Variants in STAP2 observed in about 807,000 individuals in gnomAD.
The protein encoded by STAP2 is signal transducing adaptor family member 2.
STAP2 carries 58 observed loss-of-function variants against 52.7 expected under a neutral mutation model. That is an observed-to-expected ratio of 1.10 (90% CI 0.89 to 1.37). STAP2 has a LOEUF of 1.37. Ranked by LOEUF, STAP2 falls within the 40% of genes most tolerant of loss-of-function variation. The pLI is 0.00. For missense variants in STAP2, 522 were observed against 519.4 expected (o/e 1.00, Z -0.05); for synonymous variants, 231 against 210.5 (o/e 1.10, Z -0.84).
At position 4,332,072 on chromosome 19, in the gene STAP2, T is replaced by G; in HGVS notation, c.304A>C (p.Thr102Pro). Residue 102 changes from threonine to proline, a missense_variant, in exon 4 of 13, where the codon ACC (threonine) becomes CCC (proline). By Grantham distance (38) the Thr-to-Pro change is conservative. Coordinates refer to ENST00000594605, the MANE Select transcript of STAP2 (RefSeq NM_001013841.2). The stretch of plus-strand genomic sequence containing the variant: ...TTCCACATTTCCCGACACTCCAAGG[T>G]CTCTACCTGGGGAACAAAAGAAAGG... ...RDQEIKFKVE[T>P]LECREMWKGF... 14 of 1,611,538 alleles carry G rather than the reference T, an allele frequency of 8.7e-6. No individual in the cohort carries two copies. Among genetic ancestry groups the G allele is most frequent in the Non-Finnish European group, 1.2e-5 (14 of 1,179,424 alleles).
Position 4,328,690 on chromosome 19 carries a change from C to A in STAP2, c.575G>T (p.Arg192Leu). 4 of 1,603,018 alleles carry A rather than the reference C, an allele frequency of 2.5e-6. No individual in the cohort carries two copies. The highest frequency in any genetic ancestry group is 2.6e-6 in the Non-Finnish European group (3 of 1,175,720). Residue 192 changes from arginine to leucine, a missense_variant, in exon 6 of 13, where the codon CGG (arginine) becomes CTG (leucine). By Grantham distance (102) the Arg-to-Leu change is moderately radical. Transcript: ENST00000594605. ...DGADGVSVTT[R>L]QMHNGTHVVR... Reference sequence around the variant, plus strand: ...GCATGCGCACCCGTTGTGCATCTGCCGCGTGGTGACCGACACGCCGTCGGC... The same window carrying A: ...GCATGCGCACCCGTTGTGCATCTGCAGCGTGGTGACCGACACGCCGTCGGC...
At chr19:4,327,575 C>T (rs549890185) in intron 6 of STAP2, among the ~76,000 whole-genome samples, 190 bp from the exon 7 acceptor site, 1 of 152,124 alleles carries the variant, frequency 6.6e-6, no homozygotes, top group East Asian at 1.9e-4. Context: ...CCTCCCGGAG[C>T]ACTGACTGCC....
intron 5 of STAP2, 116 bp downstream of exon 5, chr19:4,329,845 T>G: frequency 5.7e-6 from 1 of 174,804 alleles, no homozygotes. Flanking sequence ...CCCAAGGCAG[T>G]CCTCATGCAA....
chr19:4,327,354 G>T lies in STAP2; in HGVS notation c.622C>A (p.Arg208=). Residue 208 remains arginine, a synonymous_variant, in exon 7 of 13, where the codon CGG becomes AGG. Coordinates refer to ENST00000594605, the MANE Select transcript of STAP2 (RefSeq NM_001013841.2). ...TCGATCACGTACTTGGGGCCCTCCCGCTTCACCTTGTAATGCCGGACCACG... is the reference window on the plus strand; with the variant it reads ...TCGATCACGTACTTGGGGCCCTCCCTCTTCACCTTGTAATGCCGGACCACG... ...THVVRHYKVK[R]EGPKYVIDVE... is the part of the protein sequence containing the mutation. 3 of 1,614,070 alleles carry T rather than the reference G, an allele frequency of 1.9e-6. No individual in the cohort carries two copies. Among genetic ancestry groups the T allele is most frequent in the Non-Finnish European group, 2.5e-6 (3 of 1,179,982 alleles).
intron 9 of STAP2, 54 bp from the exon 10 acceptor site, chr19:4,325,599 C>A: frequency 6.6e-7 from 1 of 1,520,792 alleles, no homozygotes; most frequent in Non-Finnish European, 8.8e-7. Flanking sequence ...GGACACCTTG[C>A]AGGTTGGCGG....
At position 4,327,142 on chromosome 19, in the gene STAP2, C is replaced by A; in HGVS notation, c.745G>T (p.Asp249Tyr). ...CACCCACCTAGCACCTTCTCGTAGT[C>A]CTCGTCTAACAGGAATGGCACCAGC... ...KALVPFLLDE[D>Y]YEKVLGYVEA... is the part of the protein sequence containing the mutation. The change falls in exon 8 of 13, where the codon GAC (aspartate) becomes TAC (tyrosine). Residue 249 changes from aspartate (D) to tyrosine (Y), a missense_variant. Physicochemically the swap from Asp to Tyr is radical, Grantham distance 160 (BLOSUM62 -3). Transcript: ENST00000594605. 6.2e-7 allele frequency: 1 copy of A among 1,614,184 alleles called. No individual in the cohort carries two copies.
At chr19:4,332,792 C>T (rs1046254398) in intron 3 of STAP2, among the ~76,000 whole-genome samples, 1 of 152,094 alleles carries the variant, frequency 6.6e-6, no homozygotes, top group African/African-American at 2.4e-5. Flanking sequence ...CTCACTACTG[C>T]ACTCCAGCCT....
rs750841562 is a variant in STAP2 at position 4,332,044 on chromosome 19, C to T, written c.332G>A (p.Gly111Asp). The T allele has an allele frequency of 8.7e-6, 14 of 1,613,094 alleles. No homozygotes were observed. Among genetic ancestry groups the T allele is most frequent in the Non-Finnish European group, 1.2e-5 (14 of 1,179,816 alleles). ...TACCTCCACCACCGTTAAGATGAAG[C>T]CTTTCCACATTTCCCGACACTCCAA... is the stretch of plus-strand genomic sequence containing the variant. Reference protein sequence around the residue: ...ETLECREMWKGFILTVVELRV... With the variant: ...ETLECREMWKDFILTVVELRV... The change falls in exon 4 of 13, where the codon GGC becomes GAC. Residue 111 changes from glycine to aspartate, a missense_variant. Transcript: ENST00000594605.
chr19:4,328,418 C>G (rs1225771026), intron 6 of STAP2, among the ~76,000 whole-genome samples: 1 of 143,132 alleles, frequency 7.0e-6, no homozygotes, highest in Non-Finnish European at 1.5e-5. Flanking sequence ...CTCGCCCAGC[C>G]CAGCTCTGAC....
Position 4,325,224 on chromosome 19 carries a change from G to A in STAP2, c.1064C>T (p.Pro355Leu). The change falls in exon 11 of 13, where the codon CCC (proline) becomes CTC (leucine). Residue 355 changes from proline to leucine, a missense_variant. Transcript: ENST00000594605. ...PAKLPKPPVG[P>L]KPEPKVFNGG... ...ATGGGGGGGACCCCAACCTGGCTTGGGTCCAACGGGTGGCTTTGGAAGCTT... is the reference window on the plus strand; with the variant it reads ...ATGGGGGGGACCCCAACCTGGCTTGAGTCCAACGGGTGGCTTTGGAAGCTT... The A allele has an allele frequency of 1.9e-6, 3 of 1,588,378 alleles. No homozygotes were observed. The highest frequency in any genetic ancestry group is 2.6e-6 in the Non-Finnish European group (3 of 1,167,266).
At chr19:4,327,066 C>G (rs1971805049) in intron 8 of STAP2, 58 bp downstream of exon 8, 1 of 1,607,316 alleles carries the variant, frequency 6.2e-7, no homozygotes, top group Non-Finnish European at 8.5e-7. Flanking sequence ...CCGGTCCGTC[C>G]GAGCGGGGGC....
Position 4,326,982 on chromosome 19 carries a change from A to C in STAP2, c.789T>G (p.Asn263Lys). ...VLGYVEADKE[N>K]GENVWVAPSA... ...AGGGCGCCACCCACACATTCTCGCC[A>C]TTCTCCTTATCGGCTTCCACGTAGC... The change falls in exon 9 of 13, where the codon AAT (asparagine) becomes AAG (lysine). Residue 263 changes from asparagine (N) to lysine (K), a missense_variant. By Grantham distance (94) the Asn-to-Lys change is moderately conservative. Coordinates refer to ENST00000594605, the MANE Select transcript of STAP2 (RefSeq NM_001013841.2). 1 of 1,553,972 alleles carries C rather than the reference A, an allele frequency of 6.4e-7. No individual in the cohort carries two copies.
At chr19:4,324,290 G>T (rs1211384879) in intron 12 of STAP2, 93 bp from the exon 13 acceptor site, 2 of 1,394,416 alleles carry the variant, frequency 1.4e-6, no homozygotes. Context: ...CTACAGATTT[G>T]CAGGGCCCCG....
intron 12 of STAP2, 82 bp from the exon 13 acceptor site, chr19:4,324,279 G>C (rs1449577116): frequency 1.4e-6 from 2 of 1,453,492 alleles, no homozygotes; most frequent in Admixed American, 2.0e-5. Flanking sequence ...CCCAGGACCA[G>C]CTACAGATTT....
chr19:4,328,903 C>G, intron 5 of STAP2, 94 bp from the exon 6 acceptor site: 1 of 1,500,728 alleles, frequency 6.7e-7, no homozygotes, highest in Non-Finnish European at 8.9e-7. Flanking sequence ...AGCCCCATCC[C>G]CATCCCCTAG....
intron 3 of STAP2, among the ~76,000 whole-genome samples, chr19:4,333,397 G>C (rs1971924661): frequency 6.6e-6 from 1 of 152,084 alleles, no homozygotes; most frequent in Admixed American, 6.5e-5. Context: ...TTGGGAGGCT[G>C]AGGCAGGAGA....
At chr19:4,334,258 G>A (rs766699297) in intron 1 of STAP2, among the ~76,000 whole-genome samples, 11 of 152,030 alleles carry the variant, frequency 7.2e-5, no homozygotes, top group Admixed American at 4.6e-4. Context: ...GTCTGTTTTC[G>A]TCTGAGAAAG....
chr19:4,327,171 T>C lies in STAP2; in HGVS notation c.716A>G (p.Lys239Arg). The C allele has an allele frequency of 1.9e-6, 3 of 1,614,176 alleles. No homozygotes were observed. Among genetic ancestry groups the C allele is most frequent in the Non-Finnish European group, 2.5e-6 (3 of 1,180,034 alleles). ...GTCTAACAGGAATGGCACCAGCGCCTTTTTGGTATGCGACACGAAATAGTT... is the reference window on the plus strand; with the variant it reads ...GTCTAACAGGAATGGCACCAGCGCCCTTTTGGTATGCGACACGAAATAGTT... ...VVNYFVSHTKKALVPFLLDED... is the reference protein window; with the variant it reads ...VVNYFVSHTKRALVPFLLDED... The change falls in exon 8 of 13, where the codon AAG (lysine) becomes AGG (arginine). Residue 239 changes from lysine (K) to arginine (R), a missense_variant. Coordinates refer to ENST00000594605, the MANE Select transcript of STAP2 (RefSeq NM_001013841.2).
At chr19:4,327,761 C>A (rs775821468) in intron 6 of STAP2, among the ~76,000 whole-genome samples, 36 of 152,226 alleles carry the variant, frequency 2.4e-4, no homozygotes, top group Non-Finnish European at 4.3e-4. Flanking sequence ...GCCCTAAAGA[C>A]CCCGCCCCAG....
Sources: allele counts gnomAD v4.1 joint callset (sites outside exome capture counted in the v4.1 genomes callset), GRCh38; gene constraint gnomAD v4.1.1; transcripts MANE v1.5; gene names NCBI Gene and HGNC (gene_info 2026-07-23, HGNC 2026-07-21).